Variants in TRIM37 observed in about 807,000 individuals in gnomAD.
The protein encoded by TRIM37 is E3 ubiquitin-protein ligase TRIM37.
A neutral mutation model predicts 129.8 loss-of-function variants in TRIM37; 80 were observed. The ratio of observed to expected loss-of-function variants is 0.62; its 90% confidence interval spans 0.51 to 0.74. The LOEUF (loss-of-function observed/expected upper bound fraction) is 0.74, where lower values mean the gene tolerates loss of function less well. Ranked by LOEUF, TRIM37 falls within the 30% of genes least tolerant of loss-of-function variation. TRIM37 has a pLI of 0.00. For missense variants in TRIM37, 1,054 were observed against 1,176.5 expected, an observed-to-expected ratio of 0.90 and a Z score of 1.52; for synonymous variants, 389 against 387.1, an observed-to-expected ratio of 1.00 and a Z score of -0.06.
At chr17:59,096,271 G>A (rs975790033) in intron 2 of TRIM37, among the ~76,000 whole-genome samples, 2 of 151,824 alleles carry the variant, frequency 1.3e-5, no homozygotes. Flanking sequence ...AAAAACATCA[G>A]CCGGGCACAG....
chr17:59,048,838 C>A (rs1667066071), intron 15 of TRIM37, among the ~76,000 whole-genome samples: 1 of 152,220 alleles, frequency 6.6e-6, no homozygotes, highest in Non-Finnish European at 1.5e-5. Flanking sequence ...CTCATGTGAT[C>A]CACCCACCTT....
intron 1 of TRIM37, 112 bp from the exon 2 acceptor site, chr17:59,104,506 T>A (rs1474977599): frequency 1.1e-6 from 1 of 936,572 alleles, no homozygotes; most frequent in Non-Finnish European, 1.8e-6. Context: ...ATCTCTCAAT[T>A]TTAACTATTC....
At chr17:59,009,742 G>A (rs1033677785) in intron 22 of TRIM37, among the ~76,000 whole-genome samples, 4 of 152,060 alleles carry the variant, frequency 2.6e-5, no homozygotes, top group East Asian at 3.9e-4. Flanking sequence ...CACTGCGCCC[G>A]GCCCTGGCCT....
intron 5 of TRIM37, among the ~76,000 whole-genome samples, chr17:59,081,958 AAAAAAAAAT>A (rs2043322476): frequency 1.6e-5 from 2 of 125,050 alleles, no homozygotes; most frequent in Admixed American, 7.8e-5. Context: ...AAAAATAAAA[AAAAAAAAAT>A]AATAATAATA....
downstream of TRIM37, among the ~76,000 whole-genome samples, chr17:58,995,403 T>A (rs1598773418): frequency 6.8e-6 from 1 of 146,906 alleles, no homozygotes; most frequent in African/African-American, 2.5e-5. Context: ...AAAGAAATGC[T>A]TAAAAAAAAA....
chr17:59,047,020 G>A (rs551209546), intron 16 of TRIM37, among the ~76,000 whole-genome samples: 1 of 151,912 alleles, frequency 6.6e-6, no homozygotes, highest in South Asian at 2.1e-4. Context: ...TGGGCGAGGT[G>A]GCGGGCGCCT....
intron 17 of TRIM37, among the ~76,000 whole-genome samples, chr17:59,037,418 C>A (rs1049243203): frequency 6.6e-6 from 1 of 150,876 alleles, no homozygotes; most frequent in Non-Finnish European, 1.5e-5. Flanking sequence ...ATCAGCCGGG[C>A]GTGGTGGCGG....
chr17:58,987,192 C>T (rs984746982), intron 24 of TRIM37, among the ~76,000 whole-genome samples: 3 of 152,162 alleles, frequency 2.0e-5, no homozygotes, highest in Non-Finnish European at 2.9e-5. Context: ...TTGGGGAAAC[C>T]ATTTTCCAAA....
intron 24 of TRIM37, among the ~76,000 whole-genome samples, chr17:58,987,969 C>T (rs190646926): frequency 2.6e-5 from 4 of 152,268 alleles, no homozygotes; most frequent in South Asian, 2.1e-4. Flanking sequence ...ACAATGCAAA[C>T]GAGCCAGATG....
chr17:59,026,341 C>T (rs143083784), intron 19 of TRIM37, among the ~76,000 whole-genome samples: 40 of 152,212 alleles, frequency 2.6e-4, no homozygotes, highest in Non-Finnish European at 3.8e-4. Flanking sequence ...AGCTTCATGA[C>T]ACTGGATTAG....
chr17:59,071,270 G>A (rs1187270967), intron 8 of TRIM37, among the ~76,000 whole-genome samples: 3 of 151,076 alleles, frequency 2.0e-5, no homozygotes, highest in Non-Finnish European at 4.4e-5. Flanking sequence ...TGAACAAACC[G>A]GTAAGTTGAA....
chr17:58,988,071 CA>C (rs1194216296), intron 24 of TRIM37, among the ~76,000 whole-genome samples: 1 of 152,106 alleles, frequency 6.6e-6, no homozygotes, highest in African/African-American at 2.4e-5. Flanking sequence ...CAGTTGCCTG[CA>C]AGGGGAGAGA....
At chr17:58,985,941 G>T (rs1052265203) in intron 24 of TRIM37, among the ~76,000 whole-genome samples, 1 of 152,084 alleles carries the variant, frequency 6.6e-6, no homozygotes, top group Non-Finnish European at 1.5e-5. Flanking sequence ...TGACAGAAAA[G>T]GAACATTTTG....
chr17:58,972,041 A>G, the TRIM37 span: 2 of 1,254,068 alleles, frequency 1.6e-6, no homozygotes, highest in Non-Finnish European at 2.2e-6. Flanking sequence ...TATAGCTCCC[A>G]GCTGAAAAGC....
intron 22 of TRIM37, among the ~76,000 whole-genome samples, chr17:59,011,821 A>G (rs1845484420): frequency 6.6e-6 from 1 of 152,226 alleles, no homozygotes; most frequent in South Asian, 2.1e-4. Context: ...ATCTACAGAC[A>G]CTAATTAAGA....
chr17:59,026,114 C>T lies in TRIM37; in HGVS notation c.2257+2301G>A, dbSNP rs1257923975. 9.2e-5 allele frequency among the ~76,000 whole-genome samples: 14 copies of T among 152,102 alleles called. No homozygotes were observed. In the South Asian group the frequency reaches 1.0e-3, roughly 11 times the overall value. On this transcript the variant is annotated intron_variant, in intron 19 of 23. Transcript: ENST00000262294. Reference sequence around the variant, plus strand: ...CAAAGAGAACCCAGAAACAAACCCTCGTCTATATGGTCAAATGATTTCAAC... The same window carrying T: ...CAAAGAGAACCCAGAAACAAACCCTTGTCTATATGGTCAAATGATTTCAAC...
intron 21 of TRIM37, among the ~76,000 whole-genome samples, chr17:59,013,270 A>G (rs2035526890): frequency 6.6e-6 from 1 of 152,090 alleles, no homozygotes; most frequent in Non-Finnish European, 1.5e-5. Context: ...CAGCCTCCCA[A>G]GTAGCTGGGA....
chr17:59,014,849 T>A (rs1167033217), intron 21 of TRIM37, among the ~76,000 whole-genome samples: 1 of 150,036 alleles, frequency 6.7e-6, no homozygotes, highest in Non-Finnish European at 1.5e-5. Context: ...TACTATTTCA[T>A]CCCATTAAAA....
chr17:59,068,538 G>T (rs2042105449), intron 9 of TRIM37, among the ~76,000 whole-genome samples: 1 of 152,214 alleles, frequency 6.6e-6, no homozygotes, highest in African/African-American at 2.4e-5. Context: ...GCTGACCACA[G>T]TATCAATGAA....
Sources: gnomAD v4.1 joint callset for allele counts (sites outside exome capture counted in the v4.1 genomes callset) on GRCh38, gnomAD v4.1.1 for gene constraint, MANE v1.5 for transcripts, NCBI Gene and HGNC (gene_info 2026-07-23, HGNC 2026-07-21) for gene names.